EML1: variants seen among roughly 807,000 people sequenced by gnomAD.
EML1 encodes EMAP like 1.
A neutral mutation model predicts 110.4 loss-of-function variants in EML1; 27 were observed. That is an observed-to-expected ratio of 0.24 (90% CI 0.18 to 0.34). The LOEUF (loss-of-function observed/expected upper bound fraction) is 0.34, where lower values mean the gene tolerates loss of function less well. EML1 is among the 10% of genes least tolerant of loss of function. The pLI, the probability that EML1 is intolerant of heterozygous loss-of-function variation, is 1.00. For synonymous variants in EML1, 344 were observed against 385.8 expected (o/e 0.89, Z 1.27); for missense variants, 741 against 1,030.9 (o/e 0.72, Z 3.85).
chr14:99,755,760 G>T (rs900033479), intron 1 of EML1, among the ~76,000 whole-genome samples: 1 of 152,196 alleles, frequency 6.6e-6, no homozygotes, highest in Non-Finnish European at 1.5e-5. Flanking sequence ...CCCCCGCAAG[G>T]GGCAGGGTGG....
intron 2 of EML1, among the ~76,000 whole-genome samples, chr14:99,859,518 A>G (rs1372227411): frequency 1.3e-5 from 2 of 152,184 alleles, no homozygotes; most frequent in Non-Finnish European, 2.9e-5. Flanking sequence ...TTTTGAGCAA[A>G]GGCTTTCCTT....
intron 1 of EML1, among the ~76,000 whole-genome samples, chr14:99,762,641 T>A (rs10132363): frequency 0.28 from 42,877 of 151,806 alleles, 7,286 homozygotes; most frequent in African/African-American, 0.48. Flanking sequence ...GTACAAAAAA[T>A]TTTTTAAAGT....
chr14:99,824,441 ATG>A (rs2058317792), intron 1 of EML1, among the ~76,000 whole-genome samples: 1 of 151,270 alleles, frequency 6.6e-6, no homozygotes, highest in South Asian at 2.1e-4. Flanking sequence ...ACACATATGT[ATG>A]TCAGTAATTG....
At chr14:99,756,346 T>G (rs984378135) in intron 1 of EML1, among the ~76,000 whole-genome samples, 2 of 152,172 alleles carry the variant, frequency 1.3e-5, no homozygotes, top group South Asian at 4.1e-4. Flanking sequence ...GCCCTGCTGA[T>G]GTAGCAAGGC....
chr14:99,819,766 G>A (rs1294467933), intron 1 of EML1, among the ~76,000 whole-genome samples: 1 of 152,190 alleles, frequency 6.6e-6, no homozygotes, highest in Non-Finnish European at 1.5e-5. Context: ...CAGGAGCCCA[G>A]CCTCTCGCAC....
chr14:99,737,987 C>T (rs1159675059), intron 1 of EML1: 8 of 1,017,338 alleles, frequency 7.9e-6, no homozygotes, highest in African/African-American at 6.8e-5. Context: ...CCTCCTTGCC[C>T]GACGCCTGGG....
intron 1 of EML1, among the ~76,000 whole-genome samples, chr14:99,810,070 ATCTGC>A: frequency 6.6e-6 from 1 of 152,122 alleles, no homozygotes; most frequent in African/African-American, 2.4e-5. Context: ...GCTGACTTGT[ATCTGC>A]GGACACTCCC....
chr14:99,794,595 G>A (rs1301765004), intron 1 of EML1, among the ~76,000 whole-genome samples: 2 of 152,168 alleles, frequency 1.3e-5, no homozygotes, highest in Admixed American at 6.5e-5. Context: ...ATCCTCTGTA[G>A]TGGTATTTTT....
At chr14:99,800,235 G>T (rs2057849979) in intron 1 of EML1, among the ~76,000 whole-genome samples, 1 of 152,152 alleles carries the variant, frequency 6.6e-6, no homozygotes, top group South Asian at 2.1e-4. Flanking sequence ...ATCTGGCCCA[G>T]GACTGGGGGT....
At chr14:99,880,581 A>G (rs55783698) in intron 4 of EML1, among the ~76,000 whole-genome samples, 330 of 152,310 alleles carry the variant, frequency 2.2e-3, no homozygotes, top group Non-Finnish European at 3.8e-3. Flanking sequence ...CAGTGGACTC[A>G]AGATGGCATG....
rs763403570 is a variant in EML1, at chr14:99,784,735, C to T, written c.-27+10722C>T. ...CAGCCCATCCAGGCCGGATGACACA[C>T]GGGAAAACAAGGAGCTGGCTTCACC... is the stretch of plus-strand genomic sequence containing the variant. On this transcript the variant is annotated intron_variant, in intron 1 of 22. Transcript: ENST00000327921. This position sits in a 1 kb window ranked among gnomAD's most constrained non-coding sequence, Gnocchi z 4.5. Among the ~76,000 whole-genome samples the T allele has an allele frequency of 7.2e-5, 11 of 152,222 alleles. No homozygotes were observed. Among genetic ancestry groups the T allele is most frequent in the African/African-American group, 1.4e-4 (6 of 41,458 alleles).
chr14:99,747,697 G>A (rs941088942), intron 1 of EML1, among the ~76,000 whole-genome samples: 3 of 152,166 alleles, frequency 2.0e-5, no homozygotes, highest in Admixed American at 6.5e-5. Context: ...GCTTGGGCCC[G>A]CTTCTTATCT....
At chr14:99,801,127 C>A (rs140647067) in intron 1 of EML1, among the ~76,000 whole-genome samples, 1 of 152,366 alleles carries the variant, frequency 6.6e-6, no homozygotes, top group Non-Finnish European at 1.5e-5. Flanking sequence ...ACTGCAGATT[C>A]TTCCCACAAA....
In EML1 at chr14:99,907,814, G is replaced by A. The variant is rs1288486024; in HGVS notation, c.1104+81G>A. 2.2e-6 allele frequency: 3 copies of A among 1,366,156 alleles called. No homozygotes were observed. In the African/African-American group the frequency reaches 4.3e-5, roughly 20 times the overall value. 84.6% of individuals were successfully genotyped at this position (1,366,156 alleles called of 1,614,324 possible). A position where few individuals can be genotyped will look rare whatever the true frequency, so the allele number is the denominator to read the frequency against. On this transcript the variant is annotated intron_variant, in intron 10 of 21. Transcript: ENST00000262233. ...CTGGCATAGTGGTAGCCCCCTTTCAGCGGGCTCATTCCCACCCCAGCCCTT... is the reference window on the plus strand; with the variant it reads ...CTGGCATAGTGGTAGCCCCCTTTCAACGGGCTCATTCCCACCCCAGCCCTT...
At chr14:99,809,552 C>T (rs1203627054) in intron 1 of EML1, 4 of 439,436 alleles carry the variant, frequency 9.1e-6, no homozygotes, top group Non-Finnish European at 1.8e-5. Flanking sequence ...CCGTGCACTG[C>T]CAGCTTTCTG....
At chr14:99,817,602 G>A (rs545464235) in intron 1 of EML1, among the ~76,000 whole-genome samples, 1 of 152,290 alleles carries the variant, frequency 6.6e-6, no homozygotes, top group East Asian at 1.9e-4. Flanking sequence ...GGGACTTCCT[G>A]AAGGGGTCTC....
At chr14:99,871,746 A>AT (rs2139908169) in intron 3 of EML1, among the ~76,000 whole-genome samples, 1 of 152,320 alleles carries the variant, frequency 6.6e-6, no homozygotes, top group Admixed American at 6.5e-5. Flanking sequence ...TAAAACTTTA[A>AT]TGGGCGAGGA....
rs1245149705 is a variant in EML1, at chr14:99,911,494, A to G, written c.1412A>G (p.Asp471Gly). The G allele has an allele frequency of 6.2e-7, 1 of 1,613,082 alleles. No individual in the cohort carries two copies. Among genetic ancestry groups the G allele is most frequent in the South Asian group, 1.1e-5 (1 of 90,798 alleles). ...ATTTTTGCACTTTGTATGTTAAGAG[A>G]TGGCACACTGGTGTCGGGAGGTGGG... ...GGIFALCMLRDGTLVSGGGKD... is the reference protein window; with the variant it reads ...GGIFALCMLRGGTLVSGGGKD... The change falls in exon 13 of 22, where the codon GAT becomes GGT. Residue 471 changes from aspartate to glycine, a missense_variant. Asp to Gly is a moderately conservative substitution (Grantham distance 94, BLOSUM62 -1). Around this residue, in one of 4 missense-constraint regions of EML1, gnomAD observed 388 missense variants for 605.6 expected, o/e 0.64. Coordinates refer to ENST00000262233, the MANE Select transcript of EML1 (RefSeq NM_004434.3).
intron 1 of EML1, among the ~76,000 whole-genome samples, chr14:99,747,992 G>A (rs947936824): frequency 6.6e-6 from 1 of 152,220 alleles, no homozygotes; most frequent in Non-Finnish European, 1.5e-5. Context: ...CCCTAAAGAG[G>A]TTCCCTTAGG....
Sources: allele counts gnomAD v4.1 joint callset (sites outside exome capture counted in the v4.1 genomes callset), GRCh38; gene constraint gnomAD v4.1.1; regional missense constraint gnomAD v4.1.1; non-coding constraint Gnocchi (gnomAD v3.1); transcripts MANE v1.5; gene names NCBI Gene and HGNC (gene_info 2026-07-23, HGNC 2026-07-21).